GNAI1: variants seen among roughly 807,000 people sequenced by gnomAD.
GNAI1 encodes the protein G protein subunit alpha i1, also known as guanine nucleotide-binding protein G(i) subunit alpha-1.
Under a neutral mutation model 38.9 loss-of-function variants are expected in GNAI1, and 11 were observed. That is an observed-to-expected ratio of 0.28 (90% CI 0.18 to 0.47). GNAI1 has a LOEUF of 0.47. Ranked by LOEUF, GNAI1 falls within the 20% of genes least tolerant of loss-of-function variation. The pLI is 0.99. For missense variants in GNAI1, 317 were observed against 436.9 expected, an observed-to-expected ratio of 0.73 and a Z score of 2.45; for synonymous variants, 166 against 145.1, an observed-to-expected ratio of 1.14 and a Z score of -1.04.
intron 1 of GNAI1, among the ~76,000 whole-genome samples, chr7:80,185,591 A>G (rs1176032294): frequency 1.3e-5 from 2 of 152,142 alleles, no homozygotes; most frequent in African/African-American, 4.8e-5. Context: ...CCTCAGGCAG[A>G]TAGATTTGCG....
chr7:80,212,893 C>A, intron 7 of GNAI1, 24 bp downstream of exon 7: 2 of 1,478,530 alleles, frequency 1.4e-6, no homozygotes, highest in Non-Finnish European at 1.8e-6. Flanking sequence ...CTGGGAATAA[C>A]TTGTCAAGTT....
At position 80,161,628 on chromosome 7, in the gene GNAI1, T is replaced by C. The variant is rs370488259; in HGVS notation, c.118+26350T>C. 3.3e-5 allele frequency among the ~76,000 whole-genome samples: 5 copies of C among 152,206 alleles called. No homozygotes were observed. In the East Asian group the frequency reaches 9.6e-4, roughly 29 times the overall value. ...CATTATGGCTGTGCAATATAAACTC[T>C]CTTAGTTTTTATTAAATTTAAATGT... is the stretch of plus-strand genomic sequence containing the variant. On this transcript the variant is annotated intron_variant, in intron 1 of 7. Coordinates refer to ENST00000649796, the MANE Select transcript of GNAI1 (RefSeq NM_002069.6).
At chr7:80,156,900 T>C (rs1787829334) in intron 1 of GNAI1, among the ~76,000 whole-genome samples, 2 of 152,148 alleles carry the variant, frequency 1.3e-5, no homozygotes, top group Non-Finnish European at 1.5e-5. Flanking sequence ...ACTCCTCCAT[T>C]ATCAAAATCT....
intron 1 of GNAI1, among the ~76,000 whole-genome samples, chr7:80,151,207 G>T (rs985686158): frequency 1.3e-5 from 2 of 152,096 alleles, no homozygotes; most frequent in African/African-American, 4.8e-5. Flanking sequence ...TTCCAGTCCT[G>T]CCCAGGCATG....
At chr7:80,163,070 G>A (rs1167956087) in intron 1 of GNAI1, among the ~76,000 whole-genome samples, 1 of 152,048 alleles carries the variant, frequency 6.6e-6, no homozygotes, top group African/African-American at 2.4e-5. Context: ...AGACACCCAA[G>A]GGAGGCTGAC....
intron 1 of GNAI1, chr7:80,135,977 G>T: frequency 2.0e-6 from 2 of 985,294 alleles, no homozygotes; most frequent in Non-Finnish European, 2.4e-6. Flanking sequence ...GCAGATACTC[G>T]AGTGGTGAAA....
chr7:80,139,098 G>C (rs1251397152), intron 1 of GNAI1, among the ~76,000 whole-genome samples: 2 of 152,106 alleles, frequency 1.3e-5, no homozygotes, highest in Admixed American at 1.3e-4. Flanking sequence ...AACGGATCCG[G>C]TATTTCAGTA....
chr7:80,163,855 G>A (rs759473576), intron 1 of GNAI1, among the ~76,000 whole-genome samples: 2 of 151,952 alleles, frequency 1.3e-5, no homozygotes, highest in Non-Finnish European at 2.9e-5. Flanking sequence ...AGATTACACT[G>A]CTCTAGGCCT....
At chr7:80,141,784 AT>A (rs1787530452) in intron 1 of GNAI1, among the ~76,000 whole-genome samples, 1 of 152,218 alleles carries the variant, frequency 6.6e-6, no homozygotes, top group Non-Finnish European at 1.5e-5. Context: ...CACATCTTTA[AT>A]ACTTTGCTTG....
Position 80,222,536 on chromosome 7 carries a change from C to T in GNAI1, c.*5043C>T, listed in dbSNP as rs560920965. On this transcript the variant is annotated 3_prime_UTR_variant, in exon 8 of 8. Coordinates refer to ENST00000649796, the MANE Select transcript of GNAI1 (RefSeq NM_002069.6). Reference sequence around the variant, plus strand: ...CCGAGTAGCTGGGATTACAGGCATGCGACACTACACCCAACTAATCTTGTA... The same window carrying T: ...CCGAGTAGCTGGGATTACAGGCATGTGACACTACACCCAACTAATCTTGTA... Among the ~76,000 whole-genome samples the T allele has an allele frequency of 5.3e-5, 8 of 151,772 alleles. No homozygotes were observed. The highest frequency in any genetic ancestry group is 2.1e-4 in the South Asian group (1 of 4,804).
intron 7 of GNAI1, 105 bp from the exon 8 acceptor site, chr7:80,217,198 C>CTATATCAAACTGACTTCAGTTTCATA: frequency 2.1e-6 from 1 of 478,782 alleles, no homozygotes; most frequent in Non-Finnish European, 3.6e-6. Flanking sequence ...ATGAATGAAA[C>CTATATCAAACTGACTTCAGTTTCATA]TGTATGAAAC....
rs375215036 is a variant in GNAI1 at position 80,139,122 on chromosome 7, T to G, written c.118+3844T>G. 2.5e-4 allele frequency among the ~76,000 whole-genome samples: 38 copies of G among 150,714 alleles called. 1 individual carries two copies. In the South Asian group the frequency reaches 7.7e-3, roughly 30 times the overall value. ...GGTATTTCAGTATGGGTTGTGTGCTTCTTTCTCATGGCATACCTTGTATTA... is the reference window on the plus strand; with the variant it reads ...GGTATTTCAGTATGGGTTGTGTGCTGCTTTCTCATGGCATACCTTGTATTA... On this transcript the variant is annotated intron_variant, in intron 1 of 7. Transcript: ENST00000649796.
chr7:80,140,914 C>G (rs1413320802), intron 1 of GNAI1, among the ~76,000 whole-genome samples: 2 of 152,140 alleles, frequency 1.3e-5, no homozygotes. Flanking sequence ...TTTTTCAGCT[C>G]TACAGAGGCT....
Position 80,212,709 on chromosome 7 carries a change from A to G in GNAI1, c.721-7A>G, listed in dbSNP as rs779219617. On this transcript the variant is annotated splice_region_variant and splice_polypyrimidine_tract_variant and intron_variant, in intron 6 of 7. Coordinates refer to ENST00000649796, the MANE Select transcript of GNAI1 (RefSeq NM_002069.6). Reference sequence around the variant, plus strand: ...GTGACGATTGGTTTTATTTTTTTCTATTACAGAACCGAATGCATGAAAGCA... The same window carrying G: ...GTGACGATTGGTTTTATTTTTTTCTGTTACAGAACCGAATGCATGAAAGCA... The G allele has an allele frequency of 1.1e-5, 16 of 1,489,686 alleles. No homozygotes were observed. Among genetic ancestry groups the G allele is most frequent in the African/African-American group, 5.8e-5 (4 of 68,406 alleles). The allele number at this position is 1,489,686 out of a possible 1,614,324, so 92.3% of individuals were successfully genotyped here.
chr7:80,201,760 T>C (rs1056369125), intron 4 of GNAI1, among the ~76,000 whole-genome samples: 1 of 152,056 alleles, frequency 6.6e-6, no homozygotes, highest in Non-Finnish European at 1.5e-5. Context: ...ATGAAAAATA[T>C]GTTGCTTTAG....
rs1293940480 is a variant in GNAI1, at chr7:80,135,183, A to C, written c.23A>C (p.Glu8Ala). 1.3e-6 allele frequency: 2 copies of C among 1,544,720 alleles called. No homozygotes were observed. The highest frequency in any genetic ancestry group is 1.7e-6 in the Non-Finnish European group (2 of 1,146,426). Reference protein sequence around the residue: MGCTLSAEDKAAVERSKM... With the variant: MGCTLSAADKAAVERSKM... ...ACCATGGGCTGCACGCTGAGCGCCG[A>C]GGACAAGGCGGCGGTGGAGCGGAGT... Residue 8 changes from glutamate to alanine, a missense_variant, in exon 1 of 8, where the codon GAG (glutamate) becomes GCG (alanine). Physicochemically the swap from Glu to Ala is moderately radical, Grantham distance 107. Transcript: ENST00000649796.
At chr7:80,152,793 G>C (rs1183708181) in intron 1 of GNAI1, among the ~76,000 whole-genome samples, 2 of 149,718 alleles carry the variant, frequency 1.3e-5, no homozygotes, top group African/African-American at 2.5e-5. Flanking sequence ...TCGATCTCCT[G>C]ATCTCCTGAC....
At position 80,224,233 on chromosome 7, in the gene GNAI1, C is replaced by T. The variant is rs1187599614; in HGVS notation, c.*6740C>T. Among the ~76,000 whole-genome samples the T allele has an allele frequency of 4.2e-4, 64 of 152,108 alleles. No individual in the cohort carries two copies. Among genetic ancestry groups the T allele is most frequent in the Admixed American group, 4.1e-3 (63 of 15,268 alleles). On this transcript the variant is annotated 3_prime_UTR_variant, in exon 8 of 8. Coordinates refer to ENST00000649796, the MANE Select transcript of GNAI1 (RefSeq NM_002069.6). ...GTGTGCTAGGTACTTTTCTGGGTAC[C>T]TTACTAATGCTCTCATTTAGTCATC...
chr7:80,204,222 T>C (rs985214138), intron 5 of GNAI1, among the ~76,000 whole-genome samples: 2 of 152,100 alleles, frequency 1.3e-5, no homozygotes, highest in Non-Finnish European at 2.9e-5. Context: ...TTTATGGAAA[T>C]ATTAAGAAGA....
Sources: allele counts gnomAD v4.1 joint callset (sites outside exome capture counted in the v4.1 genomes callset), GRCh38; gene constraint gnomAD v4.1.1; transcripts MANE v1.5; gene names NCBI Gene and HGNC (gene_info 2026-07-23, HGNC 2026-07-21).